Variants in GALNT17 observed in about 807,000 individuals in gnomAD.
The protein encoded by GALNT17 is polypeptide N-acetylgalactosaminyltransferase 17, also known as UDP-GalNAc:polypeptide N-acetylgalactosaminyltransferase-like 3.
In GALNT17, 29 loss-of-function variants were observed where a neutral mutation model predicts 63.7. The observed-to-expected ratio is 0.46, with a 90% CI of 0.34 to 0.62. The LOEUF (loss-of-function observed/expected upper bound fraction) is 0.62, where lower values mean the gene tolerates loss of function less well. GALNT17 is among the 20% of genes least tolerant of loss of function. GALNT17 has a pLI of 0.01. For missense variants in GALNT17, 603 were observed against 799.6 expected (o/e 0.75, Z 2.97); for synonymous variants, 305 against 318.3 (o/e 0.96, Z 0.45).
intron 1 of GALNT17, among the ~76,000 whole-genome samples, chr7:71,227,608 C>T (rs558127604): frequency 6.6e-6 from 1 of 152,198 alleles, no homozygotes; most frequent in Non-Finnish European, 1.5e-5. Context: ...TGCTAGATGG[C>T]TTAATTTCGT....
intron 1 of GALNT17, among the ~76,000 whole-genome samples, chr7:71,199,604 C>A (rs1222776655): frequency 2.7e-5 from 4 of 148,228 alleles, no homozygotes; most frequent in Non-Finnish European, 5.9e-5. Flanking sequence ...TTCATCTGCT[C>A]ACCTGATCCA....
At position 71,431,214 on chromosome 7, in the gene GALNT17, T is replaced by C. The variant is rs560156793; in HGVS notation, c.962+10109T>C. Among the ~76,000 whole-genome samples the C allele has an allele frequency of 9.7e-4, 139 of 143,062 alleles. 1 individual carries two copies. The South Asian group carries it at 0.015, about 16-fold the overall frequency. 93.9% of individuals were successfully genotyped at this position (143,062 alleles called of 152,430 possible). ...ATTTTTTTTTCTTTTCTTTTCTTTT[T>C]TTTTTTTTTTTTTTTGAGACAGAGT... On this transcript the variant is annotated intron_variant, in intron 5 of 10. Coordinates refer to ENST00000333538, the MANE Select transcript of GALNT17 (RefSeq NM_022479.3).
At chr7:71,166,746 G>T (rs1788447896) in intron 1 of GALNT17, among the ~76,000 whole-genome samples, 1 of 152,118 alleles carries the variant, frequency 6.6e-6, no homozygotes. Flanking sequence ...TGAGGGCCAT[G>T]TGTATTGTCT....
At chr7:71,385,200 C>T (rs919622677) in intron 2 of GALNT17, among the ~76,000 whole-genome samples, 1 of 152,026 alleles carries the variant, frequency 6.6e-6, no homozygotes, top group African/African-American at 2.4e-5. Context: ...CAAGCGATAC[C>T]GAGAAACCCA....
chr7:71,325,225 T>G (rs185197874), intron 1 of GALNT17, among the ~76,000 whole-genome samples: 1 of 152,266 alleles, frequency 6.6e-6, no homozygotes, highest in Non-Finnish European at 1.5e-5. Flanking sequence ...TGTCTATAAG[T>G]TTTATTGACT....
intron 5 of GALNT17, among the ~76,000 whole-genome samples, chr7:71,471,078 T>C (rs1027196432): frequency 6.6e-6 from 1 of 151,892 alleles, no homozygotes; most frequent in Admixed American, 6.6e-5. Context: ...CTTTTTTCTG[T>C]TTTTGTTTTT....
intron 5 of GALNT17, among the ~76,000 whole-genome samples, chr7:71,472,596 G>A (rs1019727845): frequency 1.3e-5 from 2 of 152,202 alleles, no homozygotes; most frequent in African/African-American, 4.8e-5. Context: ...AGAGGCAGGA[G>A]AATTGCTGGA....
intron 1 of GALNT17, among the ~76,000 whole-genome samples, chr7:71,270,978 G>A (rs1312914415): frequency 6.6e-6 from 1 of 151,456 alleles, no homozygotes; most frequent in East Asian, 1.9e-4. Context: ...AAAAAAGACT[G>A]GGAAAGCGTT....
intron 1 of GALNT17, among the ~76,000 whole-genome samples, chr7:71,185,073 TTC>T (rs1788820423): frequency 7.2e-6 from 1 of 139,800 alleles, no homozygotes; most frequent in African/African-American, 2.8e-5. Flanking sequence ...CTGCTTCTTT[TTC>T]TCCTCCTCCT....
At chr7:71,635,042 A>G (rs965078572) in intron 6 of GALNT17, among the ~76,000 whole-genome samples, 4 of 151,882 alleles carry the variant, frequency 2.6e-5, no homozygotes, top group African/African-American at 7.3e-5. Flanking sequence ...CCCCGTCTCT[A>G]CTAAAAGTAC....
chr7:71,341,666 A>G (rs1285864264), intron 2 of GALNT17, among the ~76,000 whole-genome samples: 1 of 152,172 alleles, frequency 6.6e-6, no homozygotes, highest in Non-Finnish European at 1.5e-5. Flanking sequence ...TCCATTTAGA[A>G]CTCTTAACAG....
At chr7:71,623,986 TC>T (rs1297665853) in intron 6 of GALNT17, among the ~76,000 whole-genome samples, 2 of 151,728 alleles carry the variant, frequency 1.3e-5, no homozygotes, top group African/African-American at 4.8e-5. Context: ...ACTCAGAATA[TC>T]CCCCAGGAAG....
chr7:71,713,180 A>AGT lies in GALNT17; in HGVS notation c.*1044_*1045dup, dbSNP rs751993320. On this transcript the variant is annotated 3_prime_UTR_variant, in exon 11 of 11. Transcript: ENST00000333538. Reference sequence around the variant, plus strand: ...ATATATGAACGCGTGTGCATGCACAAGTGTGTGTGTGCCTGCGTGCTGTGC... The same window carrying AGT: ...ATATATGAACGCGTGTGCATGCACAAGTGTGTGTGTGTGCCTGCGTGCTGTGC... 2.0e-5 allele frequency: 3 copies of AGT among 152,676 alleles called. No homozygotes were observed. Among genetic ancestry groups the AGT allele is most frequent in the Admixed American group, 1.3e-4 (2 of 15,268 alleles). The allele number at this position is 152,676 out of a possible 1,614,324, so 9.5% of individuals were successfully genotyped here. A position where few individuals can be genotyped will look rare whatever the true frequency, so the allele number is the denominator to read the frequency against.
At chr7:71,382,802 G>C (rs1036004623) in intron 2 of GALNT17, among the ~76,000 whole-genome samples, 41 of 152,108 alleles carry the variant, frequency 2.7e-4, no homozygotes, top group Non-Finnish European at 7.4e-5. Flanking sequence ...TGGGGAGGTA[G>C]AGAGAGAGAA....
chr7:71,511,111 G>T (rs144044045), intron 5 of GALNT17, among the ~76,000 whole-genome samples: 1,541 of 152,198 alleles, frequency 0.01, 25 homozygotes, highest in African/African-American at 0.034. Context: ...GATCCCGGGA[G>T]GTCAAGGCTG....
intron 5 of GALNT17, among the ~76,000 whole-genome samples, chr7:71,540,620 T>C (rs1170879255): frequency 2.0e-5 from 3 of 152,104 alleles, no homozygotes; most frequent in Admixed American, 6.6e-5. Flanking sequence ...TGTTTTTTTT[T>C]CCAACAAATG....
chr7:71,534,498 C>A (rs1034486160), intron 5 of GALNT17, among the ~76,000 whole-genome samples: 2 of 150,488 alleles, frequency 1.3e-5, no homozygotes, highest in Non-Finnish European at 2.9e-5. Flanking sequence ...ACTCGGGAGG[C>A]TGAGGCAGGA....
At chr7:71,437,053 A>G (rs1210213655) in intron 5 of GALNT17, among the ~76,000 whole-genome samples, 1 of 152,200 alleles carries the variant, frequency 6.6e-6, no homozygotes, top group African/African-American at 2.4e-5. Flanking sequence ...TATTCAGCAC[A>G]CATTAAATGA....
At chr7:71,136,673 C>T (rs976133518) in intron 1 of GALNT17, among the ~76,000 whole-genome samples, 3 of 152,006 alleles carry the variant, frequency 2.0e-5, no homozygotes, top group African/African-American at 4.8e-5. Flanking sequence ...TTAGTAGAGA[C>T]GGGTTTTCGC....
Sources: gnomAD v4.1 joint callset for allele counts (sites outside exome capture counted in the v4.1 genomes callset) on GRCh38, gnomAD v4.1.1 for gene constraint, MANE v1.5 for transcripts, NCBI Gene and HGNC (gene_info 2026-07-23, HGNC 2026-07-21) for gene names.